FRMPD1: variants seen among roughly 807,000 people sequenced by gnomAD.
FRMPD1 encodes FERM and PDZ domain containing 1, also known as FERM and PDZ domain-containing protein 1.
A neutral mutation model predicts 117.8 loss-of-function variants in FRMPD1; 76 were observed. The ratio of observed to expected loss-of-function variants is 0.65; its 90% CI spans 0.54 to 0.78. The LOEUF (loss-of-function observed/expected upper bound fraction) is 0.78. FRMPD1 is among the 30% of genes least tolerant of loss of function. The pLI is 0.00. For synonymous variants in FRMPD1, 783 were observed against 770.4 expected (o/e 1.02, Z -0.27); for missense variants, 1,786 against 1,964.5 (o/e 0.91, Z 1.72).
intron 2 of FRMPD1, among the ~76,000 whole-genome samples, chr9:37,698,795 AT>A (rs1401572949): frequency 6.6e-6 from 1 of 151,148 alleles, no homozygotes; most frequent in East Asian, 1.9e-4. Context: ...CTGCGGTGCA[AT>A]GGTGCAACCT....
chr9:37,605,796 C>T, the FRMPD1 span, among the ~76,000 whole-genome samples: 15 of 151,956 alleles, frequency 9.9e-5, no homozygotes, highest in Non-Finnish European at 1.9e-4. Context: ...CTCATCACAA[C>T]CTCAAATTCT....
chr9:37,691,946 G>A (rs1247924866), intron 1 of FRMPD1, among the ~76,000 whole-genome samples: 1 of 152,068 alleles, frequency 6.6e-6, no homozygotes, highest in Non-Finnish European at 1.5e-5. Flanking sequence ...ACTCTGGAAG[G>A]ACAAATGGAA....
At chr9:37,717,024 G>GTA (rs550172068) in intron 5 of FRMPD1, among the ~76,000 whole-genome samples, 7 of 152,140 alleles carry the variant, frequency 4.6e-5, no homozygotes, top group African/African-American at 7.2e-5. Context: ...ACTATTTTGA[G>GTA]TATATATATC....
In FRMPD1 at chr9:37,729,075, G is replaced by A. The variant is rs142274871; in HGVS notation, c.613-653G>A. On this transcript the variant is annotated intron_variant, in intron 7 of 15. Transcript: ENST00000377765. ...AGCCTGGCCAACGTGGCAAAACCCC[G>A]TCTGTACTAAAAATACAAAAAAACT... Among the ~76,000 whole-genome samples, 61 of 151,666 alleles carry A rather than the reference G, an allele frequency of 4.0e-4. 1 individual carries two copies. Among genetic ancestry groups the A allele is most frequent in the Middle Eastern group, 6.8e-3 (2 of 294 alleles).
At chr9:37,706,943 C>A (rs1376592948) in intron 2 of FRMPD1, among the ~76,000 whole-genome samples, 1 of 108,302 alleles carries the variant, frequency 9.2e-6, no homozygotes, top group Non-Finnish European at 2.3e-5. Flanking sequence ...TCCGTCCATC[C>A]ATCCATCCAT....
the FRMPD1 span, among the ~76,000 whole-genome samples, chr9:37,619,112 G>T: frequency 6.6e-6 from 1 of 152,202 alleles, no homozygotes. Flanking sequence ...ATGCCATAAG[G>T]TTCTATGACA....
chr9:37,625,106 G>A, the FRMPD1 span, among the ~76,000 whole-genome samples: 18 of 152,154 alleles, frequency 1.2e-4, no homozygotes, highest in Non-Finnish European at 2.5e-4. Flanking sequence ...AGTATCCCAA[G>A]TCTGAACATG....
At chr9:37,628,266 C>G in the FRMPD1 span, among the ~76,000 whole-genome samples, 1 of 152,174 alleles carries the variant, frequency 6.6e-6, no homozygotes, top group Non-Finnish European at 1.5e-5. Flanking sequence ...ACTTCCAGCC[C>G]TAGGTGTCTT....
chr9:37,699,885 G>A (rs1822472293), intron 2 of FRMPD1, among the ~76,000 whole-genome samples: 1 of 151,822 alleles, frequency 6.6e-6, no homozygotes, highest in Non-Finnish European at 1.5e-5. Flanking sequence ...GCACACACAT[G>A]CACATGTATG....
At chr9:37,661,580 C>A (rs977808619) in intron 1 of FRMPD1, among the ~76,000 whole-genome samples, 3 of 152,282 alleles carry the variant, frequency 2.0e-5, no homozygotes, top group South Asian at 4.1e-4. Context: ...ATAAAGCCCC[C>A]CAGTGTCCTA....
At position 37,706,352 on chromosome 9, in the gene FRMPD1, T is replaced by A. The variant is rs1822704720; in HGVS notation, c.102-1064T>A. 3.9e-5 allele frequency among the ~76,000 whole-genome samples: 6 copies of A among 152,226 alleles called. No homozygotes were observed. The South Asian group carries it at 1.2e-3, about 32-fold the overall frequency. On this transcript the variant is annotated intron_variant, in intron 2 of 15. Transcript: ENST00000377765. ...ATTATAAATGAGAGGGAGATGATTT[T>A]CAGATAAGTGAGGGCCTATTGCATT...
chr9:37,648,435 A>G (rs1820568205), upstream of FRMPD1, among the ~76,000 whole-genome samples: 1 of 152,158 alleles, frequency 6.6e-6, no homozygotes, highest in Non-Finnish European at 1.5e-5. Context: ...CACGATCAAG[A>G]AGGAACAATG....
intron 1 of FRMPD1, among the ~76,000 whole-genome samples, chr9:37,667,754 C>G (rs1821211981): frequency 6.6e-6 from 1 of 152,004 alleles, no homozygotes; most frequent in African/African-American, 2.4e-5. Context: ...TGCAAACCAC[C>G]CACACTTCAT....
intron 10 of FRMPD1, among the ~76,000 whole-genome samples, chr9:37,733,211 TCTGA>T (rs1312300518): frequency 2.6e-5 from 4 of 152,162 alleles, no homozygotes; most frequent in Non-Finnish European, 5.9e-5. Flanking sequence ...GAACTCCTGC[TCTGA>T]CTGATAGATG....
intron 2 of FRMPD1, among the ~76,000 whole-genome samples, chr9:37,705,545 C>A (rs1326868801): frequency 6.6e-6 from 1 of 152,144 alleles, no homozygotes; most frequent in Non-Finnish European, 1.5e-5. Context: ...GATTAGCTAG[C>A]CTCAGCTTCC....
Position 37,746,017 on chromosome 9 carries a change from A to C in FRMPD1, c.3985A>C (p.Ile1329Leu), listed in dbSNP as rs1316687302. 1.2e-6 allele frequency: 2 copies of C among 1,614,108 alleles called. No homozygotes were observed. The highest frequency in any genetic ancestry group is 1.7e-6 in the Non-Finnish European group (2 of 1,180,048). Reference protein sequence around the residue: ...AGMNEMVAPRIGMDQCSCQFS... With the variant: ...AGMNEMVAPRLGMDQCSCQFS... Reference sequence around the variant, plus strand: ...CATGAATGAGATGGTGGCTCCCAGGATAGGGATGGACCAGTGCAGCTGTCA... The same window carrying C: ...CATGAATGAGATGGTGGCTCCCAGGCTAGGGATGGACCAGTGCAGCTGTCA... The change falls in exon 16 of 16, where the codon ATA (isoleucine) becomes CTA (leucine). Residue 1329 changes from isoleucine to leucine, a missense_variant. Transcript: ENST00000377765.
At chr9:37,698,469 G>C (rs1164255841) in intron 2 of FRMPD1, among the ~76,000 whole-genome samples, 1 of 145,162 alleles carries the variant, frequency 6.9e-6, no homozygotes, top group Non-Finnish European at 1.5e-5. Context: ...TGGCTATTCT[G>C]TTCCATTGAT....
chr9:37,655,353 T>C (rs1343092831), intron 1 of FRMPD1, among the ~76,000 whole-genome samples: 1 of 152,180 alleles, frequency 6.6e-6, no homozygotes, highest in African/African-American at 2.4e-5. Flanking sequence ...AGTGTGGCTC[T>C]GATCTCATCA....
chr9:37,711,290 C>T (rs774804120), intron 4 of FRMPD1, 60 bp from the exon 5 acceptor site: 34 of 1,033,946 alleles, frequency 3.3e-5, no homozygotes, highest in Non-Finnish European at 4.9e-5. Context: ...TGTATGCATG[C>T]ACGTGCATCC....
Sources: gnomAD v4.1 joint callset for allele counts (sites outside exome capture counted in the v4.1 genomes callset) on GRCh38, gnomAD v4.1.1 for gene constraint, MANE v1.5 for transcripts, NCBI Gene and HGNC (gene_info 2026-07-23, HGNC 2026-07-21) for gene names.